Variants in NCOR2 observed in about 807,000 individuals in gnomAD.
NCOR2 encodes the protein CTG repeat protein 26.
NCOR2 carries 81 observed loss-of-function variants against 262.9 expected under a neutral mutation model. That is an observed-to-expected ratio of 0.31 (90% CI 0.26 to 0.37). The LOEUF (loss-of-function observed/expected upper bound fraction) is 0.37. Ranked by LOEUF, NCOR2 falls within the 10% of genes least tolerant of loss-of-function variation. The pLI is 1.00. For synonymous variants in NCOR2, 1,659 were observed against 1,559.3 expected (o/e 1.06, Z -1.51); for missense variants, 3,385 against 3,621.4 (o/e 0.93, Z 1.68).
chr12:124,372,548 C>A (rs372794042), exon 20 of NCOR2: 15 of 1,597,862 alleles, frequency 9.4e-6, no homozygotes, highest in South Asian at 2.2e-5. Context: ...TGCCCTGTGT[C>A]CTTGGCGGCC....
chr12:124,386,237 G>A (rs1319466891), intron 16 of NCOR2, among the ~76,000 whole-genome samples: 3 of 152,196 alleles, frequency 2.0e-5, no homozygotes, highest in East Asian at 1.9e-4. Flanking sequence ...TATCCAGAAC[G>A]CACAGCCTCT....
chr12:124,459,130 C>G (rs1028261527), intron 5 of NCOR2, among the ~76,000 whole-genome samples: 1 of 152,154 alleles, frequency 6.6e-6, no homozygotes, highest in African/African-American at 2.4e-5. Context: ...AAAAAGGTAA[C>G]AGGAGGGCTA....
chr12:124,336,621 G>A, intron 38 of NCOR2, 132 bp downstream of exon 40: 2 of 1,489,964 alleles, frequency 1.3e-6, no homozygotes, highest in Non-Finnish European at 1.8e-6. Flanking sequence ...CGGGGTGGGT[G>A]CGGGCCGGAA....
At chr12:124,413,149 T>A (rs1481078913) in intron 13 of NCOR2, among the ~76,000 whole-genome samples, 1 of 152,056 alleles carries the variant, frequency 6.6e-6, no homozygotes, top group Non-Finnish European at 1.5e-5. Context: ...GGCACCCATG[T>A]CCTTGGTCCT....
intron 37 of NCOR2, among the ~76,000 whole-genome samples, chr12:124,337,678 G>A (rs142493504): frequency 4.6e-5 from 7 of 152,358 alleles, no homozygotes; most frequent in African/African-American, 7.2e-5. Flanking sequence ...AAAGCCACGT[G>A]AGGAGTGAGA....
chr12:124,515,636 TGTGA>T (rs2049700948), intron 1 of NCOR2, among the ~76,000 whole-genome samples: 2 of 116,586 alleles, frequency 1.7e-5, no homozygotes, highest in African/African-American at 5.6e-5. Flanking sequence ...TGTGCACGAC[TGTGA>T]GTGTGCATAT....
chr12:124,339,774 C>T (rs1212457567), intron 37 of NCOR2, among the ~76,000 whole-genome samples: 1 of 144,734 alleles, frequency 6.9e-6, no homozygotes, highest in African/African-American at 2.5e-5. Context: ...CCCCCCCATC[C>T]ATCCATCCAT....
At chr12:124,557,424 C>T (rs972424496) in intron 1 of NCOR2, among the ~76,000 whole-genome samples, 1 of 152,210 alleles carries the variant, frequency 6.6e-6, no homozygotes, top group African/African-American at 2.4e-5. Flanking sequence ...CCAGCCACAT[C>T]GCTCCAGCCT....
intron 7 of NCOR2, among the ~76,000 whole-genome samples, chr12:124,448,159 G>A (rs2045300190): frequency 6.6e-6 from 1 of 152,190 alleles, no homozygotes; most frequent in Non-Finnish European, 1.5e-5. Flanking sequence ...GAATGAATGA[G>A]GGAATGCCCC....
chr12:124,419,852 A>G, intron 13 of NCOR2, 105 bp downstream of exon 15: 1 of 1,027,802 alleles, frequency 9.7e-7, no homozygotes, highest in South Asian at 1.3e-5. Flanking sequence ...ACAACAACTC[A>G]TGGAGACAGT....
At chr12:124,442,880 A>G (rs994098203) in intron 7 of NCOR2, among the ~76,000 whole-genome samples, 2 of 152,206 alleles carry the variant, frequency 1.3e-5, no homozygotes, top group Admixed American at 6.5e-5. Context: ...AAAAAGACAG[A>G]CACACACGGA....
At chr12:124,354,767 C>T in intron 25 of NCOR2, 70 bp downstream of exon 27, 3 of 1,475,520 alleles carry the variant, frequency 2.0e-6, no homozygotes, top group Middle Eastern at 1.9e-4. Flanking sequence ...ACCCCTTCCT[C>T]CCCCGCCCCA....
At chr12:124,365,494 A>T (rs2038958359) in intron 20 of NCOR2, among the ~76,000 whole-genome samples, 1 of 152,016 alleles carries the variant, frequency 6.6e-6, no homozygotes, top group Non-Finnish European at 1.5e-5. Flanking sequence ...CCCTCCTTCA[A>T]TCTCTGCCAT....
chr12:124,325,452 G>A lies in NCOR2; in HGVS notation c.7495C>T (p.Pro2499Ser), dbSNP rs2034543711. 2 of 1,365,946 alleles carry A rather than the reference G, an allele frequency of 1.5e-6. No homozygotes were observed. Among genetic ancestry groups the A allele is most frequent in the Middle Eastern group, 2.7e-4 (1 of 3,740 alleles). 84.6% of individuals were successfully genotyped at this position (1,365,946 alleles called of 1,614,324 possible). A position where few individuals can be genotyped will look rare whatever the true frequency, so the allele number is the denominator to read the frequency against. The change falls in exon 47 of 47, where the codon CCC becomes TCC. Residue 2499 changes from proline (P) to serine (S), a missense_variant. Coordinates refer to ENST00000405201, the Ensembl canonical transcript of NCOR2. ...TACTGCGAGCAGAGCAGTGGCTTGGGCTCCTCGTCCCAGGCGTGGTGGGGG... is the reference window on the plus strand; with the variant it reads ...TACTGCGAGCAGAGCAGTGGCTTGGACTCCTCGTCCCAGGCGTGGTGGGGG...
chr12:124,525,861 C>T (rs1003212357), intron 1 of NCOR2, among the ~76,000 whole-genome samples: 31 of 152,192 alleles, frequency 2.0e-4, no homozygotes, highest in African/African-American at 7.5e-4. Context: ...GCCCTCAATC[C>T]CCTTAACTAG....
intron 27 of NCOR2, among the ~76,000 whole-genome samples, chr12:124,352,379 AT>A (rs369134948): frequency 0.013 from 1,971 of 147,100 alleles, 32 homozygotes; most frequent in African/African-American, 0.034. Context: ...GAGGCATCTG[AT>A]TTTTTTTTTT....
chr12:124,359,022 C>A, intron 22 of NCOR2, among the ~76,000 whole-genome samples: 1 of 152,242 alleles, frequency 6.6e-6, no homozygotes, highest in East Asian at 1.9e-4. Flanking sequence ...ACTGCTATGC[C>A]ACATGGCCTG....
chr12:124,486,682 G>C (rs2136827399), intron 1 of NCOR2, 114 bp from the exon 4 acceptor site: 2 of 1,333,146 alleles, frequency 1.5e-6, no homozygotes, highest in Middle Eastern at 2.6e-4. Flanking sequence ...TCCTGCCCTA[G>C]GCAGATAAGC....
At chr12:124,362,554 G>A (rs1272202422) in intron 21 of NCOR2, among the ~76,000 whole-genome samples, 4 of 150,678 alleles carry the variant, frequency 2.7e-5, no homozygotes, top group South Asian at 2.1e-4. Context: ...CCAGCTGCCC[G>A]GTGGTGAACA....
Sources: allele counts gnomAD v4.1 joint callset (sites outside exome capture counted in the v4.1 genomes callset), GRCh38; gene constraint gnomAD v4.1.1; transcripts MANE v1.5; gene names NCBI Gene and HGNC (gene_info 2026-07-23, HGNC 2026-07-21).